Variants in LARGE1 observed in about 807,000 individuals in gnomAD.
LARGE1 encodes xylosyl- and glucuronyltransferase LARGE1.
In LARGE1, 43 loss-of-function variants were observed where a neutral mutation model predicts 87.6. That is an observed-to-expected ratio of 0.49 (90% confidence interval 0.38 to 0.63). The LOEUF is 0.63. Ranked by LOEUF, LARGE1 falls within the 30% of genes least tolerant of loss-of-function variation. LARGE1 has a pLI of 0.00. For synonymous variants in LARGE1, 434 were observed against 394.6 expected (o/e 1.10, Z -1.18); for missense variants, 802 against 1,000.2 (o/e 0.80, Z 2.67).
intron 1 of LARGE1, among the ~76,000 whole-genome samples, chr22:33,896,136 C>G (rs2065138621): frequency 6.6e-6 from 1 of 152,192 alleles, no homozygotes; most frequent in Admixed American, 6.5e-5. Flanking sequence ...TACTTTCTGT[C>G]TCTACAAATT....
intron 1 of LARGE1, among the ~76,000 whole-genome samples, chr22:33,806,447 C>T (rs946031905): frequency 6.6e-6 from 1 of 152,192 alleles, no homozygotes; most frequent in Non-Finnish European, 1.5e-5. Flanking sequence ...ACAGGATCTT[C>T]TGCAGGAACA....
intron 6 of LARGE1, among the ~76,000 whole-genome samples, chr22:33,513,121 G>A (rs1402175658): frequency 6.6e-6 from 1 of 152,110 alleles, no homozygotes; most frequent in Non-Finnish European, 1.5e-5. Flanking sequence ...GTACTGGTGT[G>A]ACCATTAATC....
chr22:33,201,151 A>G (rs1924360888), intron 11 of LARGE1, among the ~76,000 whole-genome samples: 1 of 152,096 alleles, frequency 6.6e-6, no homozygotes, highest in African/African-American at 2.4e-5. Context: ...TCTGCTAAAA[A>G]TACAAAATTA....
chr22:33,474,339 T>A (rs1208052805), intron 6 of LARGE1, among the ~76,000 whole-genome samples: 3 of 152,076 alleles, frequency 2.0e-5, no homozygotes, highest in Non-Finnish European at 4.4e-5. Context: ...AATTTTCTGT[T>A]CTTAGTAGAA....
chr22:33,460,166 C>T (rs1164010605), intron 6 of LARGE1, among the ~76,000 whole-genome samples: 2 of 152,182 alleles, frequency 1.3e-5, no homozygotes, highest in African/African-American at 4.8e-5. Context: ...CAATTTCCTC[C>T]TCTATAAAGC....
chr22:33,593,419 G>A (rs2078898813), intron 5 of LARGE1, among the ~76,000 whole-genome samples: 1 of 152,134 alleles, frequency 6.6e-6, no homozygotes, highest in African/African-American at 2.4e-5. Context: ...AGAGAACTTG[G>A]TTGGTATTCT....
intron 12 of LARGE1, among the ~76,000 whole-genome samples, chr22:33,294,224 A>C (rs1345833669): frequency 6.6e-6 from 1 of 152,244 alleles, no homozygotes; most frequent in Non-Finnish European, 1.5e-5. Flanking sequence ...GGCTGAGGCC[A>C]ATGCTGACAA....
chr22:33,304,555 A>G (rs1339198547), intron 11 of LARGE1, 48 bp from the exon 12 acceptor site: 2 of 1,513,684 alleles, frequency 1.3e-6, no homozygotes, highest in East Asian at 2.5e-5. Context: ...CCATCCATGC[A>G]TCATCCGCCG....
chr22:33,282,536 A>G (rs1265851390), intron 13 of LARGE1, among the ~76,000 whole-genome samples: 1 of 152,112 alleles, frequency 6.6e-6, no homozygotes, highest in Admixed American at 6.5e-5. Flanking sequence ...GTGCGGTGGC[A>G]CAGACTCCTG....
At chr22:33,583,407 T>G (rs1366453103) in intron 5 of LARGE1, among the ~76,000 whole-genome samples, 2 of 152,236 alleles carry the variant, frequency 1.3e-5, no homozygotes, top group Non-Finnish European at 2.9e-5. Flanking sequence ...CTTGATTTTC[T>G]ACTCATCTAC....
chr22:33,355,361 A>G (rs973873070), intron 9 of LARGE1, among the ~76,000 whole-genome samples: 3 of 152,222 alleles, frequency 2.0e-5, no homozygotes, highest in African/African-American at 7.2e-5. Context: ...ACTTGTCTCT[A>G]TATCCTCAAC....
intron 5 of LARGE1, 72 bp from the exon 6 acceptor site, chr22:33,565,091 C>T: frequency 7.2e-7 from 1 of 1,381,486 alleles, no homozygotes; most frequent in East Asian, 2.3e-5. Context: ...TTTGCTTAAA[C>T]ATTATAAATA....
At chr22:33,093,822 C>CTTTTTTT in the LARGE1 span, among the ~76,000 whole-genome samples, 23 of 81,524 alleles carry the variant, frequency 2.8e-4, no homozygotes, top group Admixed American at 7.6e-4. Flanking sequence ...TTCTTTCTTT[C>CTTTTTTT]TTTTTTTTTT....
chr22:33,730,806 C>T (rs532176804), intron 2 of LARGE1, among the ~76,000 whole-genome samples: 1 of 151,928 alleles, frequency 6.6e-6, no homozygotes, highest in African/African-American at 2.4e-5. Flanking sequence ...GATTCTTTTG[C>T]CTCAGCCTCC....
the LARGE1 span, among the ~76,000 whole-genome samples, chr22:33,145,728 T>TC: frequency 6.6e-6 from 1 of 152,248 alleles, no homozygotes; most frequent in African/African-American, 2.4e-5. Flanking sequence ...AAGGATGCTT[T>TC]CTACTGCTCT....
chr22:33,347,570 G>C (rs1188199319), intron 9 of LARGE1, among the ~76,000 whole-genome samples: 1 of 152,168 alleles, frequency 6.6e-6, no homozygotes, highest in Non-Finnish European at 1.5e-5. Context: ...TTAAGCTCCC[G>C]CTGTTATCCC....
At chr22:33,722,959 T>A (rs1342966329) in intron 2 of LARGE1, among the ~76,000 whole-genome samples, 1 of 152,134 alleles carries the variant, frequency 6.6e-6, no homozygotes, top group African/African-American at 2.4e-5. Context: ...AGCAAGATCC[T>A]GGAATGCGGT....
intron 9 of LARGE1, among the ~76,000 whole-genome samples, chr22:33,376,506 T>A (rs1279529270): frequency 6.6e-6 from 1 of 152,178 alleles, no homozygotes; most frequent in Non-Finnish European, 1.5e-5. Flanking sequence ...CCAGAGACAT[T>A]CAAACTGCAA....
chr22:33,787,102 C>T (rs1167496807), intron 1 of LARGE1, among the ~76,000 whole-genome samples: 1 of 151,928 alleles, frequency 6.6e-6, no homozygotes, highest in African/African-American at 2.4e-5. Context: ...GAATGTTTTG[C>T]TTCATTCCAC....
Sources: gnomAD v4.1 joint callset for allele counts (sites outside exome capture counted in the v4.1 genomes callset) on GRCh38, gnomAD v4.1.1 for gene constraint, MANE v1.5 for transcripts, NCBI Gene and HGNC (gene_info 2026-07-23, HGNC 2026-07-21) for gene names.